The following LPO variants were observed in gnomAD, a reference collection of about 807,000 sequenced individuals.
LPO encodes the protein lactoperoxidase.
A neutral mutation model predicts 68.4 loss-of-function variants in LPO; 70 were observed. That is an observed-to-expected ratio of 1.02 (90% confidence interval 0.84 to 1.25). LPO has a LOEUF of 1.25. Among genes scored for constraint, LPO ranks in the 50% most tolerant of loss-of-function variants. LPO has a pLI of 0.00. For synonymous variants in LPO, 360 were observed against 357.6 expected (o/e 1.01, Z -0.08); for missense variants, 873 against 908.4 (o/e 0.96, Z 0.50).
At chr17:58,252,552 T>C (rs759148763) in intron 8 of LPO, 46 bp downstream of exon 8, 15 of 1,559,770 alleles carry the variant, frequency 9.6e-6, no homozygotes, top group Non-Finnish European at 1.3e-5. Flanking sequence ...AAGGGGATTA[T>C]CCAGGGAAGC....
At chr17:58,249,374 G>A in intron 5 of LPO, 192 bp from the exon 6 acceptor site, 1 of 975,786 alleles carries the variant, frequency 1.0e-6, no homozygotes, top group Non-Finnish European at 1.5e-6. Context: ...CTCTGGAAGC[G>A]GCACCTTTCC....
In LPO at chr17:58,267,345, C is replaced by T; in HGVS notation, c.1694-4C>T. The T allele has an allele frequency of 6.2e-7, 1 of 1,612,400 alleles. No individual in the cohort carries two copies. The highest frequency in any genetic ancestry group is 1.3e-5 in the African/African-American group (1 of 75,036). On this transcript the variant is annotated splice_polypyrimidine_tract_variant and splice_region_variant and intron_variant, in intron 11 of 12. Transcript: ENST00000262290. ...ATGAGACAGCCTCAGTCTCTCCACC[C>T]TAGGGTACAATTCCTGGAGAGCCTT... is the stretch of plus-strand genomic sequence containing the variant.
At chr17:58,254,262 A>ATT (rs1319766755) in intron 8 of LPO, among the ~76,000 whole-genome samples, 1 of 152,066 alleles carries the variant, frequency 6.6e-6, no homozygotes, top group Admixed American at 6.6e-5. Flanking sequence ...GTCTTTGGCC[A>ATT]TTTAACTGTT....
intron 9 of LPO, among the ~76,000 whole-genome samples, chr17:58,263,083 A>G (rs1240688122): frequency 2.6e-5 from 4 of 152,074 alleles, no homozygotes; most frequent in Admixed American, 6.5e-5. Flanking sequence ...TCTGTCTCCA[A>G]TTCTATCCTC....
chr17:58,263,323 C>T (rs539334024), intron 9 of LPO, among the ~76,000 whole-genome samples: 34 of 152,292 alleles, frequency 2.2e-4, no homozygotes, highest in African/African-American at 8.2e-4. Context: ...TCATCCTTGG[C>T]ATCAGTTGAT....
rs745570087 is a variant in LPO, at chr17:58,267,804, C to G, written c.1949C>G (p.Pro650Arg). Residue 650 changes from proline (P) to arginine (R), a missense_variant, in exon 13 of 13, where the codon CCT becomes CGT. Physicochemically the swap from Pro to Arg is moderately radical, Grantham distance 103 (BLOSUM62 -2). Transcript: ENST00000262290. ...CTCTGCAGGTTCTGGTGGGAAAACC[C>G]TGGGGTCTTCACGAACGAGCAGAAG... The part of the protein sequence containing the change: ...RDGDRFWWEN[P>R]GVFTNEQKDS... 2 of 1,614,142 alleles carry G rather than the reference C, an allele frequency of 1.2e-6. No individual in the cohort carries two copies. The highest frequency in any genetic ancestry group is 1.7e-6 in the Non-Finnish European group (2 of 1,180,034).
chr17:58,252,654 C>T (rs1969984355), intron 8 of LPO, 148 bp downstream of exon 8: 1 of 728,952 alleles, frequency 1.4e-6, no homozygotes, highest in African/African-American at 1.8e-5. Flanking sequence ...GCAGAAGGGC[C>T]CAGATGAATA....
At position 58,253,600 on chromosome 17, in the gene LPO, G is replaced by A. The variant is rs941941738; in HGVS notation, c.1105+1094G>A. ...TGCCCTCCTGGTCCTCTCTGTCTCC[G>A]GCTTCTAGAGGCCATCCCACCCTCA... On this transcript the variant is annotated intron_variant, in intron 8 of 12. Coordinates refer to ENST00000262290, the MANE Select transcript of LPO (RefSeq NM_006151.3). 3.9e-5 allele frequency among the ~76,000 whole-genome samples: 6 copies of A among 152,020 alleles called. No individual in the cohort carries two copies. The South Asian group carries it at 8.3e-4, about 21-fold the overall frequency.
chr17:58,255,747 C>T (rs1970058583), intron 9 of LPO, among the ~76,000 whole-genome samples: 1 of 152,178 alleles, frequency 6.6e-6, no homozygotes, highest in South Asian at 2.1e-4. Flanking sequence ...CACCCAGTCT[C>T]CTCCTTACAT....
At chr17:58,244,492 A>G (rs2143887266) in intron 3 of LPO, 1 of 189,272 alleles carries the variant, frequency 5.3e-6, no homozygotes, top group Admixed American at 5.7e-5. Flanking sequence ...CAGGTGACAT[A>G]TTAGGGGAAT....
At chr17:58,239,540 A>G (rs8178279) in intron 1 of LPO, among the ~76,000 whole-genome samples, 2,432 of 152,210 alleles carry the variant, frequency 0.016, 67 homozygotes, top group African/African-American at 0.055. Flanking sequence ...GTGTTCCTGC[A>G]GGTGATGGGG....
chr17:58,243,013 G>A lies in LPO; in HGVS notation c.34G>A (p.Ala12Thr). The A allele has an allele frequency of 6.2e-7, 1 of 1,614,036 alleles. No homozygotes were observed. Among genetic ancestry groups the A allele is most frequent in the Non-Finnish European group, 8.5e-7 (1 of 1,180,014 alleles). The change falls in exon 2 of 13, where the codon GCT (alanine) becomes ACT (threonine). Residue 12 changes from alanine to threonine, a missense_variant. Physicochemically the swap from Ala to Thr is moderately conservative, Grantham distance 58 (BLOSUM62 0). Transcript: ENST00000262290. ...RVLLHLPALL[A>T]SLILLQAAAS... ...CCTTCTCCATCTCCCAGCCCTCCTGGCTTCCCTCATCTTGCTTCAGGCTGC... is the reference window on the plus strand; with the variant it reads ...CCTTCTCCATCTCCCAGCCCTCCTGACTTCCCTCATCTTGCTTCAGGCTGC...
rs536922818 is a variant in LPO, at chr17:58,256,728, C to T, written c.1266+1757C>T. On this transcript the variant is annotated intron_variant, in intron 9 of 12. Coordinates refer to ENST00000262290, the MANE Select transcript of LPO (RefSeq NM_006151.3). Reference sequence around the variant, plus strand: ...ACTCGGGAGGATGAGGCAGGAGAATCGCTTGAACCCAGGAGGTGGAGGTAG... The same window carrying T: ...ACTCGGGAGGATGAGGCAGGAGAATTGCTTGAACCCAGGAGGTGGAGGTAG... Among the ~76,000 whole-genome samples the T allele has an allele frequency of 1.3e-3, 195 of 151,248 alleles. 1 individual carries two copies. The highest frequency in any genetic ancestry group is 4.1e-3 in the African/African-American group (168 of 41,158).
chr17:58,244,747 C>A (rs2143887900), intron 3 of LPO, among the ~76,000 whole-genome samples: 2 of 152,320 alleles, frequency 1.3e-5, no homozygotes, highest in Middle Eastern at 6.8e-3. Context: ...AATTCCCGGG[C>A]ACCCCCAGCC....
chr17:58,250,026 C>T (rs1234899556), intron 6 of LPO, among the ~76,000 whole-genome samples: 2 of 152,160 alleles, frequency 1.3e-5, no homozygotes, highest in Non-Finnish European at 2.9e-5. Context: ...ATTTGTTGGC[C>T]TTATCGAGCT....
chr17:58,257,534 A>C, intron 9 of LPO, among the ~76,000 whole-genome samples: 1 of 152,134 alleles, frequency 6.6e-6, no homozygotes, highest in Non-Finnish European at 1.5e-5. Flanking sequence ...TTCTTTATCC[A>C]TTCATCTGTT....
chr17:58,243,127 C>T, intron 2 of LPO, 72 bp downstream of exon 2: 1 of 1,421,820 alleles, frequency 7.0e-7, no homozygotes, highest in Non-Finnish European at 9.9e-7. Context: ...CCTAAGACAA[C>T]AGAAATGTAT....
chr17:58,262,764 A>G (rs1325399353), intron 9 of LPO, among the ~76,000 whole-genome samples: 2 of 152,140 alleles, frequency 1.3e-5, no homozygotes, highest in East Asian at 1.9e-4. Context: ...TTAATACTTT[A>G]TGTTTAGTTT....
chr17:58,242,599 G>A (rs979309859), intron 1 of LPO, among the ~76,000 whole-genome samples: 1 of 152,222 alleles, frequency 6.6e-6, no homozygotes, highest in African/African-American at 2.4e-5. Context: ...CCCGACCACA[G>A]GCTGTCAGGG....
Sources: gnomAD v4.1 joint callset for allele counts (sites outside exome capture counted in the v4.1 genomes callset) on GRCh38, gnomAD v4.1.1 for gene constraint, MANE v1.5 for transcripts, NCBI Gene and HGNC (gene_info 2026-07-23, HGNC 2026-07-21) for gene names.